Variants in PRKCZ observed in about 807,000 individuals in gnomAD.
PRKCZ encodes protein kinase C zeta type.
A neutral mutation model predicts 79.5 loss-of-function variants in PRKCZ; 33 were observed. The ratio of observed to expected loss-of-function variants is 0.41; its 90% CI spans 0.31 to 0.55. PRKCZ has a LOEUF of 0.55. PRKCZ is among the 20% of genes least tolerant of loss of function. The probability of loss-of-function intolerance (pLI) is 0.19; values close to 1 mark genes in which losing one functional copy is unlikely to be tolerated. For synonymous variants in PRKCZ, 342 were observed against 320.9 expected (o/e 1.07, Z -0.70); for missense variants, 578 against 813.5 (o/e 0.71, Z 3.52).
chr1:2,168,184 GTC>G lies in PRKCZ; in HGVS notation c.975-1330_975-1329del, dbSNP rs951574019. On this transcript the variant is annotated intron_variant, in intron 10 of 17. Coordinates refer to ENST00000378567, the MANE Select transcript of PRKCZ (RefSeq NM_002744.6). The surrounding 1 kb of genome is among the most constrained non-coding windows in gnomAD (Gnocchi z 4.7). Reference sequence around the variant, plus strand: ...ACATTTTTGGCTTTGCGGCCACAGGGTCTCTGTTAGCAACTCCCTCTGCCACG... The same window carrying G: ...ACATTTTTGGCTTTGCGGCCACAGGGTCTGTTAGCAACTCCCTCTGCCACG... Among the ~76,000 whole-genome samples, 12 of 152,172 alleles carry G rather than the reference GTC, an allele frequency of 7.9e-5. No homozygotes were observed. The highest frequency in any genetic ancestry group is 2.7e-4 in the African/African-American group (11 of 41,434).
chr1:2,055,837 T>G (rs1660108996), intron 2 of PRKCZ: 6 of 381,742 alleles, frequency 1.6e-5, no homozygotes, highest in Non-Finnish European at 2.8e-5. Flanking sequence ...GGTCCTCACC[T>G]CTTCCTCTGA....
chr1:2,154,957 C>T (rs933096090), intron 9 of PRKCZ, among the ~76,000 whole-genome samples: 9 of 152,302 alleles, frequency 5.9e-5, no homozygotes, highest in Admixed American at 4.6e-4. Flanking sequence ...TAGCCCTCCA[C>T]CTCAATTTCC....
At chr1:2,153,594 A>G (rs262662) in intron 9 of PRKCZ, among the ~76,000 whole-genome samples, 52,249 of 152,172 alleles carry the variant, frequency 0.34, 9,273 homozygotes, top group South Asian at 0.41. Context: ...CAGAGGCCCC[A>G]AGAGGTGTGG....
intron 11 of PRKCZ, among the ~76,000 whole-genome samples, chr1:2,171,072 T>C (rs772023971): frequency 6.6e-5 from 10 of 152,182 alleles, no homozygotes; most frequent in Non-Finnish European, 1.3e-4. Flanking sequence ...GGCTCACGCC[T>C]GTAATCCCAG....
chr1:2,080,713 C>G (rs1045113870), intron 4 of PRKCZ, among the ~76,000 whole-genome samples: 1 of 152,184 alleles, frequency 6.6e-6, no homozygotes, highest in Non-Finnish European at 1.5e-5. Context: ...TTCCGCTTGC[C>G]TCAGTCTCCC....
At chr1:2,055,057 C>G (rs544016315) in intron 1 of PRKCZ, among the ~76,000 whole-genome samples, 2 of 151,988 alleles carry the variant, frequency 1.3e-5, no homozygotes, top group African/African-American at 4.8e-5. Flanking sequence ...ATTCTCTTGC[C>G]TCAGCCTCCC....
chr1:2,179,692 G>C (rs971510485), intron 16 of PRKCZ, among the ~76,000 whole-genome samples: 3 of 152,218 alleles, frequency 2.0e-5, no homozygotes, highest in African/African-American at 7.2e-5. Context: ...TGTTGCTGGG[G>C]AGATTCTGCC....
intron 16 of PRKCZ, among the ~76,000 whole-genome samples, chr1:2,179,868 T>C (rs1292087354): frequency 2.0e-5 from 3 of 151,430 alleles, no homozygotes; most frequent in East Asian, 1.9e-4. Context: ...CCCAGCCACG[T>C]TGTGTGCTGC....
chr1:2,132,138 T>G (rs10910084), intron 4 of PRKCZ, among the ~76,000 whole-genome samples: 10 of 152,292 alleles, frequency 6.6e-5, no homozygotes, highest in East Asian at 3.9e-4. Context: ...TTTTTTGACT[T>G]ACTTGTTTGG....
chr1:2,077,119 C>T (rs2490551), intron 4 of PRKCZ, among the ~76,000 whole-genome samples: 18,112 of 152,200 alleles, frequency 0.12, 3,507 homozygotes, highest in African/African-American at 0.4. Context: ...GTTGTTCTGG[C>T]GGTGCTGTGA....
chr1:2,184,464 C>T, intron 16 of PRKCZ, 119 bp from the exon 17 acceptor site: 1 of 687,334 alleles, frequency 1.5e-6, no homozygotes, highest in Non-Finnish European at 2.5e-6. Flanking sequence ...AAATACTAGG[C>T]AGATTGAAAT....
At chr1:2,117,679 T>C (rs2102788857) in intron 4 of PRKCZ, among the ~76,000 whole-genome samples, 1 of 152,360 alleles carries the variant, frequency 6.6e-6, no homozygotes, top group South Asian at 2.1e-4. Context: ...AAATACTGTT[T>C]TTCCTTCGTA....
At chr1:2,078,662 G>A (rs1215675675) in intron 4 of PRKCZ, among the ~76,000 whole-genome samples, 3 of 152,088 alleles carry the variant, frequency 2.0e-5, no homozygotes, top group Non-Finnish European at 4.4e-5. Flanking sequence ...TAGAGTTAAC[G>A]CTGATTATTT....
At chr1:2,087,914 G>A (rs1557528675) in intron 4 of PRKCZ, among the ~76,000 whole-genome samples, 2 of 152,236 alleles carry the variant, frequency 1.3e-5, no homozygotes, top group African/African-American at 4.8e-5. Context: ...GCCTGCACCC[G>A]GGGAGGCCTG....
intron 4 of PRKCZ, among the ~76,000 whole-genome samples, chr1:2,107,472 C>CAACTACAGATGG: frequency 6.6e-6 from 1 of 152,240 alleles, no homozygotes; most frequent in Non-Finnish European, 1.5e-5. Flanking sequence ...CCATCTTTTT[C>CAACTACAGATGG]AACTACAGAT....
chr1:2,158,828 T>C (rs564388391), intron 10 of PRKCZ, among the ~76,000 whole-genome samples: 4 of 152,338 alleles, frequency 2.6e-5, no homozygotes, highest in Admixed American at 1.3e-4. Flanking sequence ...TTGTCGTCTG[T>C]GGGGTGTCTG....
intron 9 of PRKCZ, among the ~76,000 whole-genome samples, chr1:2,152,852 G>A (rs1680172139): frequency 6.6e-6 from 1 of 152,256 alleles, no homozygotes; most frequent in African/African-American, 2.4e-5. Context: ...GTAATGTTCC[G>A]TTGTCCAGTG....
At chr1:2,184,409 G>C (rs1245722171) in intron 16 of PRKCZ, 174 bp from the exon 17 acceptor site, 1 of 577,422 alleles carries the variant, frequency 1.7e-6, no homozygotes, top group African/African-American at 1.9e-5. Flanking sequence ...TCTGACTTTG[G>C]ATATTTTCTA....
At chr1:2,131,412 CT>C (rs1674932049) in intron 4 of PRKCZ, among the ~76,000 whole-genome samples, 1 of 152,194 alleles carries the variant, frequency 6.6e-6, no homozygotes, top group Non-Finnish European at 1.5e-5. Flanking sequence ...GGAGACCAGC[CT>C]GGGCAACACA....
Sources: allele counts gnomAD v4.1 joint callset (sites outside exome capture counted in the v4.1 genomes callset), GRCh38; gene constraint gnomAD v4.1.1; non-coding constraint Gnocchi (gnomAD v3.1); transcripts MANE v1.5; gene names NCBI Gene and HGNC (gene_info 2026-07-23, HGNC 2026-07-21).